Variants in NSUN6 observed in about 807,000 individuals in gnomAD.
NSUN6 encodes the protein tRNA (cytosine(72)-C(5))-methyltransferase NSUN6.
In NSUN6, 64 loss-of-function variants were observed where a neutral mutation model predicts 58.0. The ratio of observed to expected loss-of-function variants is 1.10; its 90% CI spans 0.90 to 1.36. NSUN6 has a LOEUF of 1.36. NSUN6 is among the 40% of genes most tolerant of loss of function. The pLI, the probability that NSUN6 is intolerant of heterozygous loss-of-function variation, is 0.00. For missense variants in NSUN6, 701 were observed against 550.1 expected (o/e 1.27, Z -2.74); for synonymous variants, 231 against 193.9 (o/e 1.19, Z -1.59).
intron 3 of NSUN6, among the ~76,000 whole-genome samples, chr10:18,626,358 G>A (rs575328916): frequency 2.1e-4 from 32 of 151,986 alleles, no homozygotes; most frequent in African/African-American, 3.1e-4. Flanking sequence ...TGGGCAACAC[G>A]GCGAGACCCC....
chr10:18,576,888 AG>A (rs952596159), intron 8 of NSUN6, among the ~76,000 whole-genome samples: 10 of 152,182 alleles, frequency 6.6e-5, no homozygotes, highest in Non-Finnish European at 1.2e-4. Context: ...CATCAACCAG[AG>A]GAAGAAAAAA....
At chr10:18,644,915 T>C (rs1369103911) in intron 2 of NSUN6, among the ~76,000 whole-genome samples, 1 of 151,246 alleles carries the variant, frequency 6.6e-6, no homozygotes, top group Admixed American at 6.6e-5. Context: ...CCCAGCACTC[T>C]GTGAGGCCGA....
chr10:18,619,704 TA>T (rs72022056), intron 3 of NSUN6, among the ~76,000 whole-genome samples: 7,951 of 152,294 alleles, frequency 0.052, 291 homozygotes, highest in Non-Finnish European at 0.077. Context: ...TTATTGAAGC[TA>T]AAAAACTCGG....
chr10:18,546,360 C>A (rs1589799200), intron 10 of NSUN6, among the ~76,000 whole-genome samples: 1 of 152,134 alleles, frequency 6.6e-6, no homozygotes, highest in Non-Finnish European at 1.5e-5. Context: ...TGAACAAATA[C>A]CTATTATTAC....
At position 18,609,883 on chromosome 10, in the gene NSUN6, A is replaced by C. The variant is rs1278087814; in HGVS notation, c.619T>G (p.Ser207Ala). The change falls in exon 6 of 11, where the codon TCA becomes GCA. Residue 207 changes from serine to alanine, a missense_variant. Physicochemically the swap from Ser to Ala is moderately conservative, Grantham distance 99. Transcript: ENST00000377304. ...TAACGGGGCAGTACACTGTCAAATG[A>C]AGGGCTGAGATATACTGGTTCTGTC... The part of the protein sequence containing the change: ...RMTEPVYLSP[S>A]FDSVLPRYLF... The C allele has an allele frequency of 5.0e-6, 8 of 1,605,476 alleles. No individual in the cohort carries two copies. Among genetic ancestry groups the C allele is most frequent in the Non-Finnish European group, 6.0e-6 (7 of 1,172,412 alleles).
At position 18,545,715 on chromosome 10, in the gene NSUN6, AT is replaced by A. The variant is rs2054211230; in HGVS notation, c.*217del. On this transcript the variant is annotated 3_prime_UTR_variant, in exon 11 of 11. Transcript: ENST00000377304. ...CTTTTCTTTATACTCTACTAAATAC[AT>A]AAAAAAAAAAAATCTTTTAAAAACA... 6.4e-6 allele frequency: 3 copies of A among 468,244 alleles called. No individual in the cohort carries two copies. The highest frequency in any genetic ancestry group is 1.1e-5 in the Non-Finnish European group (3 of 271,830). 29.0% of individuals were successfully genotyped at this position (468,244 alleles called of 1,614,324 possible). A position where few individuals can be genotyped will look rare whatever the true frequency, so the allele number is the denominator to read the frequency against.
chr10:18,620,922 T>C (rs1023171391), intron 3 of NSUN6, among the ~76,000 whole-genome samples: 3 of 152,140 alleles, frequency 2.0e-5, no homozygotes, highest in African/African-American at 7.2e-5. Context: ...GAAAATAACA[T>C]GGAGGGGAAA....
chr10:18,586,390 G>C (rs887147531), intron 7 of NSUN6, among the ~76,000 whole-genome samples: 8 of 152,124 alleles, frequency 5.3e-5, no homozygotes, highest in Admixed American at 3.9e-4. Context: ...GATGTGTCTG[G>C]AGTTTCTTCC....
chr10:18,587,580 C>A (rs2057210926), intron 7 of NSUN6, among the ~76,000 whole-genome samples: 1 of 152,096 alleles, frequency 6.6e-6, no homozygotes, highest in African/African-American at 2.4e-5. Context: ...GCATTTCTAA[C>A]TGAGGTACCC....
chr10:18,628,068 G>C (rs1260506615), intron 3 of NSUN6, among the ~76,000 whole-genome samples: 1 of 152,108 alleles, frequency 6.6e-6, no homozygotes, highest in East Asian at 1.9e-4. Context: ...TCTGAGAACG[G>C]GCAGACTGCC....
At chr10:18,600,927 CAA>C (rs1242151513) in intron 6 of NSUN6, among the ~76,000 whole-genome samples, 7 of 43,760 alleles carry the variant, frequency 1.6e-4, no homozygotes, top group African/African-American at 2.1e-4. Flanking sequence ...GACTCCATCT[CAA>C]AAAAAAAAAA....
rs558113988 is a variant in NSUN6, at chr10:18,558,290, A to C, written c.923-6319T>G. Among the ~76,000 whole-genome samples the C allele has an allele frequency of 1.1e-3, 169 of 151,070 alleles. 1 individual carries two copies. The highest frequency in any genetic ancestry group is 4.0e-3 in the African/African-American group (167 of 41,246). On this transcript the variant is annotated intron_variant, in intron 8 of 10. Transcript: ENST00000377304. ...GGGAATGGAATGGAGAATGGAAGGA[A>C]ATGGAAGGGAGAATGGAATGGAATG...
At chr10:18,630,180 G>C (rs2058976218) in intron 3 of NSUN6, among the ~76,000 whole-genome samples, 2 of 143,838 alleles carry the variant, frequency 1.4e-5, no homozygotes, top group Non-Finnish European at 3.0e-5. Context: ...AATGAAGGCA[G>C]AAATAAAGAT....
At chr10:18,657,094 C>G (rs1188827436), upstream of NSUN6, among the ~76,000 whole-genome samples, 2 of 152,092 alleles carry the variant, frequency 1.3e-5, no homozygotes, top group Non-Finnish European at 2.9e-5. Flanking sequence ...TCCCAAACTG[C>G]TAGCATCACA....
chr10:18,612,218 G>C (rs2058262251), intron 5 of NSUN6, among the ~76,000 whole-genome samples: 1 of 151,862 alleles, frequency 6.6e-6, no homozygotes, highest in Non-Finnish European at 1.5e-5. Flanking sequence ...CAGAATTCAA[G>C]ACCAGACTGG....
intron 3 of NSUN6, among the ~76,000 whole-genome samples, chr10:18,623,990 A>G (rs1425386920): frequency 6.6e-6 from 1 of 152,124 alleles, no homozygotes; most frequent in Admixed American, 6.6e-5. Context: ...TTTCCATTCA[A>G]TGCATGATAA....
chr10:18,621,074 G>A (rs544694123), intron 3 of NSUN6, among the ~76,000 whole-genome samples: 1 of 152,334 alleles, frequency 6.6e-6, no homozygotes, highest in Admixed American at 6.5e-5. Context: ...CTTATTAACT[G>A]CTAAGAGTGG....
At chr10:18,588,291 T>A (rs1391938415) in intron 7 of NSUN6, among the ~76,000 whole-genome samples, 1 of 152,122 alleles carries the variant, frequency 6.6e-6, no homozygotes, top group Non-Finnish European at 1.5e-5. Flanking sequence ...AAAACTCTCA[T>A]TTCCCTTGGA....
At chr10:18,565,360 T>A (rs1474469715) in intron 8 of NSUN6, among the ~76,000 whole-genome samples, 1 of 150,588 alleles carries the variant, frequency 6.6e-6, no homozygotes, top group Non-Finnish European at 1.5e-5. Flanking sequence ...TCTATTCCCT[T>A]CCACTCTCCA....
Sources: allele counts gnomAD v4.1 joint callset (sites outside exome capture counted in the v4.1 genomes callset), GRCh38; gene constraint gnomAD v4.1.1; transcripts MANE v1.5; gene names NCBI Gene and HGNC (gene_info 2026-07-23, HGNC 2026-07-21).